UIMC1: variants seen among roughly 807,000 people sequenced by gnomAD.
UIMC1 encodes the protein BRCA1-A complex subunit RAP80.
In UIMC1, 42 loss-of-function variants were observed where a neutral mutation model predicts 84.9. The ratio of observed to expected loss-of-function variants is 0.49; its 90% CI spans 0.39 to 0.64. The LOEUF is 0.64. Ranked by LOEUF, UIMC1 falls within the 30% of genes least tolerant of loss-of-function variation. UIMC1 has a pLI of 0.00. For missense variants in UIMC1, 825 were observed against 847.6 expected, an observed-to-expected ratio of 0.97 and a Z score of 0.33; for synonymous variants, 281 against 293.0, an observed-to-expected ratio of 0.96 and a Z score of 0.42.
chr5:176,979,523 A>G (rs529168545), intron 2 of UIMC1, among the ~76,000 whole-genome samples: 40 of 152,124 alleles, frequency 2.6e-4, no homozygotes, highest in Middle Eastern at 3.4e-3. Flanking sequence ...GAATCGCTTG[A>G]ACCTGGGAGG....
At chr5:177,019,835 G>A (rs1376532323) in intron 1 of UIMC1, among the ~76,000 whole-genome samples, 2 of 152,066 alleles carry the variant, frequency 1.3e-5, no homozygotes, top group Non-Finnish European at 2.9e-5. Flanking sequence ...GGGAGGCTGA[G>A]GCAGGAGAAT....
At chr5:176,917,429 G>A (rs373228398) in intron 10 of UIMC1, among the ~76,000 whole-genome samples, 3 of 152,018 alleles carry the variant, frequency 2.0e-5, no homozygotes, top group East Asian at 1.9e-4. Flanking sequence ...CAATTTAGCC[G>A]GGCTTGGTGG....
At chr5:176,958,264 A>G in intron 6 of UIMC1, 110 bp from the exon 7 acceptor site, 1 of 848,792 alleles carries the variant, frequency 1.2e-6, no homozygotes, top group Non-Finnish European at 1.8e-6. Context: ...AATTAACAAT[A>G]AGAAGAAAAT....
rs564554471 is a variant in UIMC1 at position 176,924,318 on chromosome 5, C to CAA, written c.1598-12931_1598-12930dup. On this transcript the variant is annotated intron_variant, in intron 10 of 14. Transcript: ENST00000511320. Reference sequence around the variant, plus strand: ...GGGGGACAAGAGTGAGAATTCGTCTCAAAAAAAAAAAAATAATAAAAATAA... The same window carrying CAA: ...GGGGGACAAGAGTGAGAATTCGTCTCAAAAAAAAAAAAAAATAATAAAAATAA... Among the ~76,000 whole-genome samples, 34 of 140,004 alleles carry CAA rather than the reference C, an allele frequency of 2.4e-4. No homozygotes were observed. The Middle Eastern group carries it at 0.022, about 90-fold the overall frequency. 91.8% of individuals were successfully genotyped at this position (140,004 alleles called of 152,430 possible).
At chr5:176,979,907 G>A (rs1770754571) in intron 2 of UIMC1, among the ~76,000 whole-genome samples, 1 of 152,196 alleles carries the variant, frequency 6.6e-6, no homozygotes, top group Non-Finnish European at 1.5e-5. Context: ...GAGGAGATTA[G>A]AGTGTCAGTC....
intron 1 of UIMC1, among the ~76,000 whole-genome samples, chr5:177,005,727 T>C (rs1188739431): frequency 6.6e-6 from 1 of 151,814 alleles, no homozygotes; most frequent in Non-Finnish European, 1.5e-5. Context: ...AGGAAAACAA[T>C]AAAGACAGAA....
At chr5:176,958,998 G>C (rs944196876) in intron 6 of UIMC1, among the ~76,000 whole-genome samples, 1 of 152,184 alleles carries the variant, frequency 6.6e-6, no homozygotes, top group African/African-American at 2.4e-5. Context: ...AATAAGATAT[G>C]AATAACCTAA....
chr5:176,970,776 T>G lies in UIMC1; in HGVS notation c.323A>C (p.Glu108Ala). ...TTCAGCAATGGCTTTCCTCAAGAGC[T>G]CCTCTTCTTCCTCCTCCTGGCTGTT... The part of the protein sequence containing the change: ...EVNSQEEEEE[E>A]LLRKAIAESL... Residue 108 changes from glutamate (E) to alanine (A), a missense_variant, in exon 4 of 15, where the codon GAG becomes GCG. By Grantham distance (107) the Glu-to-Ala change is moderately radical. Transcript: ENST00000511320. 6.2e-7 allele frequency: 1 copy of G among 1,614,104 alleles called. No homozygotes were observed. Among genetic ancestry groups the G allele is most frequent in the Non-Finnish European group, 8.5e-7 (1 of 1,180,038 alleles).
In UIMC1 at chr5:176,919,278, T is replaced by C. The variant is rs1265481263; in HGVS notation, c.1598-7889A>G. On this transcript the variant is annotated intron_variant, in intron 10 of 14. Coordinates refer to ENST00000511320, the MANE Select transcript of UIMC1 (RefSeq NM_001199298.2). ...TGGGCAACAGAAAGAGAGTTCTTTATATATTCTGGATACTAAACCCTTAAC... is the reference window on the plus strand; with the variant it reads ...TGGGCAACAGAAAGAGAGTTCTTTACATATTCTGGATACTAAACCCTTAAC... 1.2e-5 allele frequency: 3 copies of C among 247,986 alleles called. 1 individual carries two copies. Among genetic ancestry groups the C allele is most frequent in the Middle Eastern group, 8.9e-4 (2 of 2,254 alleles). 15.4% of individuals were successfully genotyped at this position (247,986 alleles called of 1,614,324 possible).
At chr5:176,934,457 G>A (rs559352433) in intron 10 of UIMC1, among the ~76,000 whole-genome samples, 1 of 152,224 alleles carries the variant, frequency 6.6e-6, no homozygotes, top group East Asian at 1.9e-4. Flanking sequence ...GAGATGCAAC[G>A]GGTATCTTGA....
chr5:176,916,681 T>C (rs1761017131), intron 10 of UIMC1, among the ~76,000 whole-genome samples: 1 of 152,232 alleles, frequency 6.6e-6, no homozygotes, highest in South Asian at 2.1e-4. Context: ...TATTTGTTTA[T>C]ATAATTTTCA....
intron 10 of UIMC1, chr5:176,919,139 C>T (rs1194122907): frequency 1.0e-5 from 4 of 387,360 alleles, no homozygotes; most frequent in South Asian, 7.4e-5. Context: ...ATAATCCACC[C>T]ATTTAAAGTC....
At chr5:176,974,698 T>C (rs190452275) in intron 3 of UIMC1, among the ~76,000 whole-genome samples, 8 of 151,604 alleles carry the variant, frequency 5.3e-5, no homozygotes, top group African/African-American at 1.9e-4. Context: ...TGTAGGCCCA[T>C]ATACTCAGGA....
chr5:176,970,620 A>G, intron 4 of UIMC1, 122 bp downstream of exon 4: 1 of 1,501,292 alleles, frequency 6.7e-7, no homozygotes, highest in Non-Finnish European at 9.2e-7. Context: ...TACTATGGGA[A>G]TTTTTGTTAG....
chr5:176,907,762 C>T (rs1015926589), intron 12 of UIMC1, among the ~76,000 whole-genome samples: 6 of 152,222 alleles, frequency 3.9e-5, no homozygotes, highest in African/African-American at 1.4e-4. Flanking sequence ...CACATATATT[C>T]TTGGCAGTGG....
At chr5:176,979,609 A>G (rs7449213) in intron 2 of UIMC1, among the ~76,000 whole-genome samples, 229 of 152,288 alleles carry the variant, frequency 1.5e-3, no homozygotes, top group African/African-American at 5.2e-3. Flanking sequence ...TCTCAAAAAA[A>G]AAAAAAGAAA....
intron 12 of UIMC1, among the ~76,000 whole-genome samples, chr5:176,907,668 C>T (rs189686843): frequency 1.4e-4 from 21 of 152,350 alleles, no homozygotes. Context: ...TCTCTAATTA[C>T]AAGGCCCCAA....
intron 9 of UIMC1, among the ~76,000 whole-genome samples, chr5:176,948,581 T>C (rs1482002646): frequency 6.6e-6 from 1 of 152,236 alleles, no homozygotes; most frequent in Admixed American, 6.5e-5. Flanking sequence ...ATTATCTGTT[T>C]ATATGTCTGT....
At chr5:176,937,970 C>T (rs1201431500) in intron 10 of UIMC1, among the ~76,000 whole-genome samples, 5 of 152,042 alleles carry the variant, frequency 3.3e-5, no homozygotes, top group African/African-American at 4.8e-5. Context: ...GCAGGAGAAT[C>T]ACTTGAGCCC....
Sources: gnomAD v4.1 joint callset for allele counts (sites outside exome capture counted in the v4.1 genomes callset) on GRCh38, gnomAD v4.1.1 for gene constraint, MANE v1.5 for transcripts, NCBI Gene and HGNC (gene_info 2026-07-23, HGNC 2026-07-21) for gene names.